PKN2: variants seen among roughly 807,000 people sequenced by gnomAD.
The protein encoded by PKN2 is protein kinase N2, also known as serine/threonine-protein kinase N2.
A neutral mutation model predicts 119.1 loss-of-function variants in PKN2; 38 were observed. The observed-to-expected ratio is 0.32, with a 90% CI of 0.25 to 0.42. PKN2 has a LOEUF of 0.42. PKN2 is among the 10% of genes least tolerant of loss of function. PKN2 has a pLI of 1.00. For synonymous variants in PKN2, 390 were observed against 384.9 expected, an observed-to-expected ratio of 1.01 and a Z score of -0.15; for missense variants, 850 against 1,165.1, an observed-to-expected ratio of 0.73 and a Z score of 3.94.
intron 1 of PKN2, among the ~76,000 whole-genome samples, chr1:88,730,179 A>G (rs1429827779): frequency 6.6e-6 from 1 of 150,816 alleles, no homozygotes; most frequent in Non-Finnish European, 1.5e-5. Flanking sequence ...AAAAAAAAAC[A>G]CCAGTCTTTA....
Position 88,826,883 on chromosome 1 carries a change from T to A in PKN2, c.2420-1598T>A, listed in dbSNP as rs185202840. On this transcript the variant is annotated intron_variant, in intron 18 of 21. Coordinates refer to ENST00000370521, the MANE Select transcript of PKN2 (RefSeq NM_006256.4). ...CTAAAAGGCTGGTGCAGAACTTACA[T>A]AGATATTAATACTATATCACTGTTT... Among the ~76,000 whole-genome samples, 383 of 152,296 alleles carry A rather than the reference T, an allele frequency of 2.5e-3. 1 individual carries two copies. Among genetic ancestry groups the A allele is most frequent in the Non-Finnish European group, 3.8e-3 (256 of 68,000 alleles).
chr1:88,771,752 T>C lies in PKN2; in HGVS notation c.858T>C (p.His286=). ...GATTAAACGAAGTCCCCAAGAATCATCCCAAAAGCAGGATTATTATTGAAG... is the reference window on the plus strand; with the variant it reads ...GATTAAACGAAGTCCCCAAGAATCACCCCAAAAGCAGGATTATTATTGAAG... ...EQRLNEVPKN[H]PKSRIIIEEL... The change falls in exon 6 of 22, where the codon CAT becomes CAC. Residue 286 remains histidine (H), a synonymous_variant. Coordinates refer to ENST00000370521, the MANE Select transcript of PKN2 (RefSeq NM_006256.4). 1.2e-6 allele frequency: 2 copies of C among 1,613,842 alleles called. No individual in the cohort carries two copies. The highest frequency in any genetic ancestry group is 1.7e-6 in the Non-Finnish European group (2 of 1,179,852).
At chr1:88,684,693 T>C in intron 1 of PKN2, 65 bp downstream of exon 1, 1 of 1,382,898 alleles carries the variant, frequency 7.2e-7, no homozygotes. Flanking sequence ...CCGCGCGGCG[T>C]CGGGGACCGA....
intron 15 of PKN2, 140 bp from the exon 16 acceptor site, chr1:88,813,417 A>T: frequency 1.7e-6 from 1 of 581,720 alleles, no homozygotes; most frequent in East Asian, 3.0e-5. Flanking sequence ...TAGCACATAT[A>T]GCAAAACTAA....
At chr1:88,780,757 C>G (rs76348742) in intron 6 of PKN2, among the ~76,000 whole-genome samples, 2,940 of 152,200 alleles carry the variant, frequency 0.019, 93 homozygotes, top group African/African-American at 0.066. Flanking sequence ...CACCTTTTGG[C>G]TCAATGCTGA....
At chr1:88,833,011 T>A (rs1672792987) in intron 20 of PKN2, 66 bp from the exon 21 acceptor site, 5 of 1,423,004 alleles carry the variant, frequency 3.5e-6, no homozygotes, top group Non-Finnish European at 4.8e-6. Flanking sequence ...TTTAAAGTAA[T>A]AATCCTTATC....
At chr1:88,745,637 T>G (rs1305623398) in intron 2 of PKN2, among the ~76,000 whole-genome samples, 2 of 152,126 alleles carry the variant, frequency 1.3e-5, no homozygotes, top group Admixed American at 1.3e-4. Flanking sequence ...ATTGGAAGAC[T>G]TAATATTGTT....
intron 1 of PKN2, among the ~76,000 whole-genome samples, chr1:88,703,269 C>T (rs1666846543): frequency 6.6e-6 from 1 of 151,840 alleles, no homozygotes; most frequent in South Asian, 2.1e-4. Flanking sequence ...TATGTTAATT[C>T]TCTGGTAAAT....
At chr1:88,733,326 T>C (rs1343961631) in intron 1 of PKN2, among the ~76,000 whole-genome samples, 1 of 152,130 alleles carries the variant, frequency 6.6e-6, no homozygotes. Flanking sequence ...TTCCCTTTTA[T>C]CCATACCCTC....
intron 16 of PKN2, among the ~76,000 whole-genome samples, chr1:88,819,430 T>C (rs1283422742): frequency 6.6e-6 from 1 of 152,212 alleles, no homozygotes; most frequent in Non-Finnish European, 1.5e-5. Context: ...TCATCACTGG[T>C]CATTAGAGAA....
chr1:88,736,365 AT>A (rs1046428926), intron 1 of PKN2, among the ~76,000 whole-genome samples: 26 of 147,030 alleles, frequency 1.8e-4, no homozygotes, highest in South Asian at 6.5e-4. Context: ...CTTTCTTAAA[AT>A]TTTTTTTTTT....
chr1:88,732,866 C>T (rs1668196456), intron 1 of PKN2, among the ~76,000 whole-genome samples: 2 of 151,968 alleles, frequency 1.3e-5, no homozygotes, highest in Admixed American at 6.5e-5. Flanking sequence ...TTTCAGACAA[C>T]GTGAATGTAC....
intron 2 of PKN2, among the ~76,000 whole-genome samples, chr1:88,758,721 T>C (rs1261398846): frequency 6.6e-6 from 1 of 152,222 alleles, no homozygotes; most frequent in Non-Finnish European, 1.5e-5. Flanking sequence ...TCTCTTTTTT[T>C]AATGGCTGCA....
At position 88,808,149 on chromosome 1, in the gene PKN2, A is replaced by G. The variant is rs77508606; in HGVS notation, c.2102+374A>G. The stretch of plus-strand genomic sequence containing the variant: ...TGACAAAGTCATTTACAAATAATCT[A>G]CAGTTAATGGAATGGTTTAAAGTAT... On this transcript the variant is annotated intron_variant, in intron 15 of 21. Transcript: ENST00000370521. Among the ~76,000 whole-genome samples the G allele has an allele frequency of 5.7e-3, 864 of 152,252 alleles. 29 individuals are homozygous for G. The East Asian group carries it at 0.09, about 16-fold the overall frequency.
At chr1:88,730,330 T>A (rs1668096278) in intron 1 of PKN2, among the ~76,000 whole-genome samples, 1 of 152,116 alleles carries the variant, frequency 6.6e-6, no homozygotes, top group Non-Finnish European at 1.5e-5. Context: ...AAACAAGAAG[T>A]AGAAAGGTAG....
At chr1:88,789,691 T>TAATAATAATAAC (rs887795312) in intron 8 of PKN2, among the ~76,000 whole-genome samples, 162 of 123,302 alleles carry the variant, frequency 1.3e-3, no homozygotes, top group Middle Eastern at 5.1e-3. Context: ...ATAATAATAA[T>TAATAATAATAAC]AACAACAACA....
At position 88,764,034 on chromosome 1, in the gene PKN2, A is replaced by G. The variant is rs536238242; in HGVS notation, c.504+3658A>G. Among the ~76,000 whole-genome samples the G allele has an allele frequency of 8.2e-4, 125 of 152,308 alleles. 1 individual carries two copies. Among genetic ancestry groups the G allele is most frequent in the Non-Finnish European group, 1.4e-3 (97 of 68,024 alleles). On this transcript the variant is annotated intron_variant, in intron 3 of 21. Coordinates refer to ENST00000370521, the MANE Select transcript of PKN2 (RefSeq NM_006256.4). ...GAGCTGTCCTTTTTAAATTTTTCAG[A>G]TATTTTCACCCTCCTGCTTCAAAAC...
chr1:88,831,122 G>T (rs1672712068), intron 19 of PKN2, among the ~76,000 whole-genome samples: 1 of 151,882 alleles, frequency 6.6e-6, no homozygotes, highest in African/African-American at 2.4e-5. Context: ...TGAACAGAAT[G>T]CTGGACATGG....
intron 1 of PKN2, among the ~76,000 whole-genome samples, chr1:88,725,759 AT>A (rs1667872388): frequency 6.6e-6 from 1 of 152,106 alleles, no homozygotes; most frequent in Admixed American, 6.5e-5. Context: ...TTGTTTGCTT[AT>A]TTTATGGATC....
Sources: allele counts gnomAD v4.1 joint callset (sites outside exome capture counted in the v4.1 genomes callset), GRCh38; gene constraint gnomAD v4.1.1; transcripts MANE v1.5; gene names NCBI Gene and HGNC (gene_info 2026-07-23, HGNC 2026-07-21).